The following SLCO1A2 variants were observed in gnomAD, a reference collection of about 807,000 sequenced individuals.
SLCO1A2 encodes solute carrier organic anion transporter family member 1A2.
SLCO1A2 carries 67 observed loss-of-function variants against 69.0 expected under a neutral mutation model. The ratio of observed to expected loss-of-function variants is 0.97; its 90% CI spans 0.80 to 1.19. The LOEUF is 1.19. Ranked by LOEUF, SLCO1A2 falls within the 50% of genes most tolerant of loss-of-function variation. The pLI, the probability that SLCO1A2 is intolerant of heterozygous loss-of-function variation, is 0.00. For synonymous variants in SLCO1A2, 260 were observed against 265.9 expected, an observed-to-expected ratio of 0.98 and a Z score of 0.22; for missense variants, 787 against 793.7, an observed-to-expected ratio of 0.99 and a Z score of 0.10.
At chr12:21,394,790 T>A (rs1299466662) in intron 1 of SLCO1A2, 1 of 152,044 alleles carries the variant, frequency 6.6e-6, no homozygotes, top group Non-Finnish European at 1.5e-5. Context: ...TATTTAGATA[T>A]TTCTCAACAC....
chr12:21,305,198 C>G (rs903195984), intron 5 of SLCO1A2, among the ~76,000 whole-genome samples: 1 of 152,220 alleles, frequency 6.6e-6, no homozygotes, highest in African/African-American at 2.4e-5. Flanking sequence ...ATCCTTGGAG[C>G]CGCAGCTGCT....
intron 10 of SLCO1A2, 62 bp downstream of exon 10, chr12:21,295,535 G>A: frequency 9.2e-7 from 1 of 1,085,656 alleles, no homozygotes; most frequent in African/African-American, 1.6e-5. Context: ...CATTGCCATT[G>A]TAAAAAATAT....
chr12:21,402,402 A>T (rs1370109663), intron 1 of SLCO1A2, among the ~76,000 whole-genome samples: 1 of 152,112 alleles, frequency 6.6e-6, no homozygotes, highest in Non-Finnish European at 1.5e-5. Flanking sequence ...AAATTATTAT[A>T]ATCTTTTTAT....
intron 2 of SLCO1A2, among the ~76,000 whole-genome samples, chr12:21,355,215 C>T (rs1014472685): frequency 2.0e-5 from 3 of 152,088 alleles, no homozygotes; most frequent in Admixed American, 6.6e-5. Context: ...TGGATTATTA[C>T]GACCTTTATA....
At chr12:21,323,196 G>C (rs1951854727) in intron 2 of SLCO1A2, among the ~76,000 whole-genome samples, 1 of 152,052 alleles carries the variant, frequency 6.6e-6, no homozygotes, top group African/African-American at 2.4e-5. Flanking sequence ...CTATAATCTT[G>C]GTTTTAGTTA....
intron 2 of SLCO1A2, among the ~76,000 whole-genome samples, chr12:21,332,077 A>G (rs1952653240): frequency 6.6e-6 from 1 of 152,248 alleles, no homozygotes; most frequent in East Asian, 1.9e-4. Context: ...GTCTCAATCA[A>G]TTTAGAAAGT....
intron 12 of SLCO1A2, among the ~76,000 whole-genome samples, chr12:21,289,354 TG>T (rs1490879911): frequency 2.0e-5 from 3 of 152,122 alleles, no homozygotes; most frequent in African/African-American, 7.2e-5. Context: ...GAGATTGTTT[TG>T]ATCACACCTG....
rs1555122088 is a variant in SLCO1A2, at chr12:21,347,702, A to AGGAAGGAAGGAAGAAAG, written c.-62-12994_-62-12993insCTTTCTTCCTTCCTTCC. 7.3e-4 allele frequency among the ~76,000 whole-genome samples: 108 copies of AGGAAGGAAGGAAGAAAG among 148,296 alleles called. 1 individual carries two copies. Among genetic ancestry groups the AGGAAGGAAGGAAGAAAG allele is most frequent in the African/African-American group, 2.7e-3 (105 of 38,972 alleles). ...GAAGGAAGGAAGGAAGGAAGGAAGA[A>AGGAAGGAAGGAAGAAAG]GGAAAAAAGGAAGGAAGAGGGAAGC... On this transcript the variant is annotated intron_variant, in intron 2 of 15. Coordinates refer to the SLCO1A2 transcript ENST00000307378.
At chr12:21,288,534 T>TG (rs1028199366) in intron 12 of SLCO1A2, among the ~76,000 whole-genome samples, 3 of 152,068 alleles carry the variant, frequency 2.0e-5, no homozygotes, top group African/African-American at 7.2e-5. Flanking sequence ...CTGGGTGTGG[T>TG]GGGGAAGTAG....
intron 8 of SLCO1A2, among the ~76,000 whole-genome samples, chr12:21,299,738 T>G (rs1948299108): frequency 6.8e-6 from 1 of 146,114 alleles, no homozygotes; most frequent in Admixed American, 6.9e-5. Flanking sequence ...AAAATCGGTT[T>G]TTTGAGCAAA....
Position 21,292,110 on chromosome 12 carries a change from G to A in SLCO1A2, c.1610+54C>T, listed in dbSNP as rs571652018. 1.4e-5 allele frequency: 19 copies of A among 1,311,028 alleles called. No individual in the cohort carries two copies. In the African/African-American group the frequency reaches 2.7e-4, roughly 19 times the overall value. The allele number at this position is 1,311,028 out of a possible 1,614,324, so 81.2% of individuals were successfully genotyped here. A position where few individuals can be genotyped will look rare whatever the true frequency, so the allele number is the denominator to read the frequency against. On this transcript the variant is annotated intron_variant, in intron 12 of 14. Transcript: ENST00000683939. ...GTCCTGAGTGACTTTCTTAGAACAAGCTACCTTAATAAATGACCCCAAAAA... is the reference window on the plus strand; with the variant it reads ...GTCCTGAGTGACTTTCTTAGAACAAACTACCTTAATAAATGACCCCAAAAA...
At chr12:21,412,950 A>G (rs1016657740) in intron 1 of SLCO1A2, among the ~76,000 whole-genome samples, 8 of 152,156 alleles carry the variant, frequency 5.3e-5, no homozygotes, top group African/African-American at 1.9e-4. Context: ...CCTCTCCCCA[A>G]ATCTGGTACC....
intron 9 of SLCO1A2, among the ~76,000 whole-genome samples, chr12:21,296,596 C>T (rs1947749403): frequency 6.6e-6 from 1 of 152,106 alleles, no homozygotes; most frequent in Admixed American, 6.6e-5. Context: ...AGTGTATTTA[C>T]ATTTCATGTC....
chr12:21,282,878 A>G (rs1036402055), intron 12 of SLCO1A2, among the ~76,000 whole-genome samples: 3 of 152,166 alleles, frequency 2.0e-5, no homozygotes, highest in Non-Finnish European at 2.9e-5. Context: ...AAGAAGTGAA[A>G]GATCTCTACA....
chr12:21,371,425 T>C (rs1939781206), intron 2 of SLCO1A2, among the ~76,000 whole-genome samples: 1 of 152,170 alleles, frequency 6.6e-6, no homozygotes, highest in Non-Finnish European at 1.5e-5. Flanking sequence ...GGAATATCAG[T>C]AAATTTCACA....
intron 1 of SLCO1A2, among the ~76,000 whole-genome samples, chr12:21,410,234 T>A (rs1941886358): frequency 6.6e-6 from 1 of 152,210 alleles, no homozygotes; most frequent in African/African-American, 2.4e-5. Flanking sequence ...ATTCCCTTAC[T>A]TTCAATTTTA....
At chr12:21,378,400 G>A in intron 1 of SLCO1A2, 1 of 1,614,066 alleles carries the variant, frequency 6.2e-7, no homozygotes, top group Non-Finnish European at 8.5e-7. Flanking sequence ...TTTAAAGAGA[G>A]AGCCACTGAA....
upstream of SLCO1A2, chr12:21,419,597 T>C (rs186307596): frequency 9.8e-3 from 1,621 of 164,884 alleles, 11 homozygotes; most frequent in Middle Eastern, 0.024. Flanking sequence ...TGATTGCTAG[T>C]ACAGCAGTCT....
At chr12:21,405,013 G>A (rs904099143) in intron 1 of SLCO1A2, among the ~76,000 whole-genome samples, 1 of 150,606 alleles carries the variant, frequency 6.6e-6, no homozygotes, top group Non-Finnish European at 1.5e-5. Context: ...TAAAATGTTT[G>A]TTGGCCGCAT....
Sources: allele counts gnomAD v4.1 joint callset (sites outside exome capture counted in the v4.1 genomes callset), GRCh38; gene constraint gnomAD v4.1.1; transcripts MANE v1.5; gene names NCBI Gene and HGNC (gene_info 2026-07-23, HGNC 2026-07-21).